Variants in CAMK2D observed in about 807,000 individuals in gnomAD.
CAMK2D encodes the protein calcium/calmodulin-dependent protein kinase type II subunit delta.
Under a neutral mutation model 84.0 loss-of-function variants are expected in CAMK2D, and 37 were observed. That is an observed-to-expected ratio of 0.44 (90% CI 0.34 to 0.58). CAMK2D has a LOEUF of 0.58. CAMK2D is among the 20% of genes least tolerant of loss of function. The probability of loss-of-function intolerance (pLI) is 0.02; values close to 1 mark genes in which losing one functional copy is unlikely to be tolerated. For synonymous variants in CAMK2D, 202 were observed against 212.5 expected, an observed-to-expected ratio of 0.95 and a Z score of 0.43; for missense variants, 448 against 652.5, an observed-to-expected ratio of 0.69 and a Z score of 3.41.
intron 11 of CAMK2D, 102 bp from the exon 12 acceptor site, chr4:113,513,472 T>A (rs1301021399): frequency 9.9e-6 from 8 of 811,902 alleles, no homozygotes; most frequent in Non-Finnish European, 1.5e-5. Context: ...GGCCCTACTT[T>A]CAGTTAGGGG....
intron 5 of CAMK2D, among the ~76,000 whole-genome samples, chr4:113,551,321 T>G (rs940222977): frequency 6.6e-6 from 1 of 152,204 alleles, no homozygotes; most frequent in African/African-American, 2.4e-5. Context: ...GTAAAGATTT[T>G]GCCAATTAAC....
At chr4:113,505,129 T>C in intron 13 of CAMK2D, 94 bp from the exon 14 acceptor site, 1 of 600,932 alleles carries the variant, frequency 1.7e-6, no homozygotes, top group South Asian at 2.8e-5. Context: ...GATGTAGACA[T>C]GAAGATAAAG....
intron 16 of CAMK2D, among the ~76,000 whole-genome samples, chr4:113,490,267 T>C (rs200311641): frequency 0.06 from 9,045 of 150,006 alleles, 545 homozygotes; most frequent in East Asian, 0.21. Flanking sequence ...AGGGGTTTTA[T>C]GGTTTTAGGT....
chr4:113,471,530 A>G (rs2097546674), intron 16 of CAMK2D, among the ~76,000 whole-genome samples: 1 of 152,208 alleles, frequency 6.6e-6, no homozygotes, highest in Non-Finnish European at 1.5e-5. Context: ...CATCTTGGAT[A>G]GTGGCATCAT....
chr4:113,530,509 G>A (rs911071024), intron 8 of CAMK2D, among the ~76,000 whole-genome samples: 2 of 152,102 alleles, frequency 1.3e-5, no homozygotes, highest in African/African-American at 4.8e-5. Flanking sequence ...AAAAATTGTG[G>A]TTGTTATAGA....
chr4:113,611,199 T>C (rs1461761168), intron 3 of CAMK2D, among the ~76,000 whole-genome samples: 2 of 152,172 alleles, frequency 1.3e-5, no homozygotes, highest in African/African-American at 2.4e-5. Context: ...CTTAAACTTA[T>C]GCTGCTGAAG....
chr4:113,527,961 TC>T, intron 8 of CAMK2D, among the ~76,000 whole-genome samples: 1 of 152,236 alleles, frequency 6.6e-6, no homozygotes, highest in African/African-American at 2.4e-5. Context: ...TTATTTAAAT[TC>T]TTTGGCAGAG....
chr4:113,581,190 T>C (rs1029343322), intron 4 of CAMK2D, among the ~76,000 whole-genome samples: 4 of 152,114 alleles, frequency 2.6e-5, no homozygotes, highest in African/African-American at 9.7e-5. Context: ...TTTGACCTTT[T>C]CTATACCTAA....
intron 2 of CAMK2D, among the ~76,000 whole-genome samples, chr4:113,753,015 T>A (rs929248217): frequency 2.0e-5 from 3 of 152,088 alleles, no homozygotes; most frequent in African/African-American, 7.2e-5. Context: ...CAGATTAAGA[T>A]AAGTCCTCTC....
intron 2 of CAMK2D, among the ~76,000 whole-genome samples, chr4:113,727,294 A>G (rs1469423172): frequency 6.6e-6 from 1 of 152,222 alleles, no homozygotes; most frequent in Non-Finnish European, 1.5e-5. Context: ...GAAAAAGAAT[A>G]AAATTCACTT....
chr4:113,474,108 C>T (rs751900602), intron 16 of CAMK2D, among the ~76,000 whole-genome samples: 1 of 152,048 alleles, frequency 6.6e-6, no homozygotes, highest in Admixed American at 6.6e-5. Flanking sequence ...ATTCTGCCAC[C>T]CCCAGCTGAC....
At chr4:113,502,192 T>C (rs1391621946) in intron 15 of CAMK2D, among the ~76,000 whole-genome samples, 1 of 152,100 alleles carries the variant, frequency 6.6e-6, no homozygotes, top group Non-Finnish European at 1.5e-5. Flanking sequence ...AGAAAAGGTC[T>C]TTCATCCTAT....
chr4:113,456,940 G>C, intron 19 of CAMK2D: 1 of 171,832 alleles, frequency 5.8e-6, no homozygotes, highest in Non-Finnish European at 1.2e-5. Flanking sequence ...TCTATGAAAT[G>C]AAACTCCTGA....
intron 2 of CAMK2D, among the ~76,000 whole-genome samples, chr4:113,705,774 A>T (rs2154351402): frequency 6.6e-6 from 1 of 152,322 alleles, no homozygotes; most frequent in Admixed American, 6.5e-5. Context: ...ATGGGAAGAA[A>T]TATATTTCTC....
At chr4:113,494,849 G>GT (rs952266098) in intron 16 of CAMK2D, among the ~76,000 whole-genome samples, 2 of 152,170 alleles carry the variant, frequency 1.3e-5, no homozygotes, top group Non-Finnish European at 2.9e-5. Flanking sequence ...CTGGTGCGCC[G>GT]TTTTTTAAGC....
intron 2 of CAMK2D, among the ~76,000 whole-genome samples, chr4:113,757,077 T>A (rs376937710): frequency 2.6e-5 from 4 of 152,052 alleles, no homozygotes; most frequent in East Asian, 3.8e-4. Flanking sequence ...GAGTATGATT[T>A]CCCATTTTAC....
chr4:113,575,773 C>T (rs1315443118), intron 4 of CAMK2D, among the ~76,000 whole-genome samples: 1 of 151,870 alleles, frequency 6.6e-6, no homozygotes, highest in Non-Finnish European at 1.5e-5. Flanking sequence ...ATTATAAAAC[C>T]TGTTAAAATG....
At chr4:113,758,378 A>G (rs1010038917) in intron 2 of CAMK2D, among the ~76,000 whole-genome samples, 7 of 152,188 alleles carry the variant, frequency 4.6e-5, no homozygotes, top group African/African-American at 1.4e-4. Flanking sequence ...AGAGACCGAA[A>G]GCAATGATGC....
At chr4:113,753,808 G>GGGGGC in intron 2 of CAMK2D, 1 of 484,318 alleles carries the variant, frequency 2.1e-6, no homozygotes, top group Non-Finnish European at 2.6e-6. Flanking sequence ...GGCGGGGGTG[G>GGGGGC]TACTTAAGCC....
Sources: gnomAD v4.1 joint callset for allele counts (sites outside exome capture counted in the v4.1 genomes callset) on GRCh38, gnomAD v4.1.1 for gene constraint, MANE v1.5 for transcripts, NCBI Gene and HGNC (gene_info 2026-07-23, HGNC 2026-07-21) for gene names.